The following BDH1 variants were observed in gnomAD, a reference collection of about 807,000 sequenced individuals.
BDH1 encodes the protein D-beta-hydroxybutyrate dehydrogenase, mitochondrial.
BDH1 carries 30 observed loss-of-function variants against 33.1 expected under a neutral mutation model. The ratio of observed to expected loss-of-function variants is 0.91; its 90% CI spans 0.68 to 1.23. The LOEUF (loss-of-function observed/expected upper bound fraction) is 1.23. Ranked by LOEUF, BDH1 falls within the 50% of genes most tolerant of loss-of-function variation. The probability of loss-of-function intolerance (pLI) is 0.00; values close to 1 mark genes in which losing one functional copy is unlikely to be tolerated. For synonymous variants in BDH1, 190 were observed against 183.6 expected, an observed-to-expected ratio of 1.03 and a Z score of -0.28; for missense variants, 443 against 464.4, an observed-to-expected ratio of 0.95 and a Z score of 0.42.
chr3:197,519,819 G>A (rs995628415), intron 6 of BDH1, among the ~76,000 whole-genome samples: 2 of 152,068 alleles, frequency 1.3e-5, no homozygotes, highest in South Asian at 2.1e-4. Context: ...CAGATGTCCT[G>A]TCCCTCAGCG....
chr3:197,538,615 G>T (rs1715349987), intron 3 of BDH1: 1 of 291,108 alleles, frequency 3.4e-6, no homozygotes, highest in South Asian at 3.2e-5. Context: ...GCCTCCCAAA[G>T]TACTGGGATC....
chr3:197,523,050 C>A lies in BDH1; in HGVS notation c.268-269G>T. ...AGGCCTCAAGACAGGATTCCTTCTC[C>A]AAGCAGGGGTTGCAAACTTATGTGG... is the stretch of plus-strand genomic sequence containing the variant. On this transcript the variant is annotated intron_variant, in intron 5 of 7. Coordinates refer to ENST00000392379, the MANE Select transcript of BDH1 (RefSeq NM_203314.3). This position sits in a 1 kb window ranked among gnomAD's most constrained non-coding sequence, Gnocchi z 4.5. 2.3e-6 allele frequency: 1 copy of A among 441,054 alleles called. No individual in the cohort carries two copies. The highest frequency in any genetic ancestry group is 4.0e-6 in the Non-Finnish European group (1 of 252,214). 27.3% of individuals were successfully genotyped at this position (441,054 alleles called of 1,614,324 possible).
Position 197,510,676 on chromosome 3 carries a change from GTGTGTAA to G in BDH1, c.*1212_*1218del. On this transcript the variant is annotated 3_prime_UTR_variant, in exon 8 of 8. Transcript: ENST00000392379. ...TGTGTGTGTGTGTGTGTGTGTACAT[GTGTGTAA>G]GGTGTGTGTGTGTGTGTGTGTGTGT... 2.1e-5 allele frequency: 1 copy of G among 46,830 alleles called. No homozygotes were observed. Among genetic ancestry groups the G allele is most frequent in the East Asian group, 4.1e-4 (1 of 2,444 alleles). 2.9% of individuals were successfully genotyped at this position (46,830 alleles called of 1,614,324 possible).
rs374296813 is a variant in BDH1 at position 197,511,906 on chromosome 3, A to T, written c.1021T>A (p.Tyr341Asn). ...HLPGAISDMI[Y>N]IR ...CACAGCGAGACTCTTCAGCGGATGT[A>T]GATCATGTCGGAGATGGCTCCAGGC... The change falls in exon 8 of 8, where the codon TAC becomes AAC. Residue 341 changes from tyrosine (Y) to asparagine (N), a missense_variant. By Grantham distance (143) the Tyr-to-Asn change is moderately radical. Transcript: ENST00000392379. 5 of 1,561,378 alleles carry T rather than the reference A, an allele frequency of 3.2e-6. No homozygotes were observed. The highest frequency in any genetic ancestry group is 4.3e-6 in the Non-Finnish European group (5 of 1,150,860).
Position 197,512,270 on chromosome 3 carries a change from C to A in BDH1, c.657G>T (p.Ser219=). The A allele has an allele frequency of 6.2e-7, 1 of 1,613,070 alleles. No individual in the cohort carries two copies. Among genetic ancestry groups the A allele is most frequent in the Non-Finnish European group, 8.5e-7 (1 of 1,180,022 alleles). The change falls in exon 8 of 8, where the codon TCG becomes TCT. Residue 219 remains serine, a synonymous_variant. Coordinates refer to ENST00000392379, the MANE Select transcript of BDH1 (RefSeq NM_203314.3). ...GGTACATCTCATAGCGCAGGCAGTC[C>A]GAGAAAGCCTCTACCCCGAACTTGG... ...CITKFGVEAF[S]DCLRYEMYPL...
intron 1 of BDH1, among the ~76,000 whole-genome samples, chr3:197,569,893 G>A (rs1162116245): frequency 6.6e-6 from 1 of 152,242 alleles, no homozygotes; most frequent in African/African-American, 2.4e-5. Flanking sequence ...TGAAAATGTG[G>A]AAGCAACTTT....
At chr3:197,530,633 T>C (rs1714559635) in intron 5 of BDH1, 1 of 152,478 alleles carries the variant, frequency 6.6e-6, no homozygotes, top group African/African-American at 2.4e-5. Flanking sequence ...TACAAAGTTA[T>C]TCATTGTGGC....
chr3:197,510,433 T>C lies in BDH1; in HGVS notation c.*1462A>G, dbSNP rs1038416868. 6.6e-6 allele frequency: 1 copy of C among 152,180 alleles called. No individual in the cohort carries two copies. The highest frequency in any genetic ancestry group is 6.5e-5 in the Admixed American group (1 of 15,280). The allele number at this position is 152,180 out of a possible 1,614,324, so 9.4% of individuals were successfully genotyped here. ...CCCCTGGAGGACAGTGGTGTTTGGC[T>C]TCGGTCCCAACATACAGGCCCTGGG... On this transcript the variant is annotated 3_prime_UTR_variant, in exon 8 of 8. Transcript: ENST00000392379.
intron 1 of BDH1, among the ~76,000 whole-genome samples, chr3:197,569,580 C>T (rs965471935): frequency 2.0e-5 from 3 of 152,106 alleles, no homozygotes; most frequent in Admixed American, 6.5e-5. Flanking sequence ...ATACTTTTCT[C>T]GTGGTAGTGA....
In BDH1 at chr3:197,511,481, G is replaced by A. The variant is rs985281821; in HGVS notation, c.*414C>T. 5.8e-5 allele frequency: 11 copies of A among 190,336 alleles called. No homozygotes were observed. Among genetic ancestry groups the A allele is most frequent in the Non-Finnish European group, 1.2e-4 (11 of 94,022 alleles). 11.8% of individuals were successfully genotyped at this position (190,336 alleles called of 1,614,324 possible). On this transcript the variant is annotated 3_prime_UTR_variant, in exon 8 of 8. Transcript: ENST00000392379. ...AACACATAACTGGCACTATTTATAA[G>A]CGATAAAAGGGTTATTTCATGCATC...
Position 197,531,865 on chromosome 3 carries a change from G to A in BDH1, c.267+547C>T, listed in dbSNP as rs116671977. 5.1e-3 allele frequency among the ~76,000 whole-genome samples: 774 copies of A among 152,184 alleles called. 4 individuals carry two copies. The highest frequency in any genetic ancestry group is 0.018 in the African/African-American group (735 of 41,514). On this transcript the variant is annotated intron_variant, in intron 5 of 7. Coordinates refer to ENST00000392379, the MANE Select transcript of BDH1 (RefSeq NM_203314.3). The stretch of plus-strand genomic sequence containing the variant: ...CCTTAAATTCTACTTAATGTGTCCC[G>A]AAGGAGCCTCATGCTTTCAAGCCTC...
rs553550329 is a variant in BDH1, at chr3:197,514,162, G to T, written c.562+102C>A. 9 of 1,443,442 alleles carry T rather than the reference G, an allele frequency of 6.2e-6. No homozygotes were observed. The highest frequency in any genetic ancestry group is 8.4e-6 in the Non-Finnish European group (9 of 1,072,638). The allele number at this position is 1,443,442 out of a possible 1,614,324, so 89.4% of individuals were successfully genotyped here. On this transcript the variant is annotated intron_variant, in intron 7 of 7. Coordinates refer to ENST00000392379, the MANE Select transcript of BDH1 (RefSeq NM_203314.3). The surrounding 1 kb of genome is among the most constrained non-coding windows in gnomAD (Gnocchi z 4.2). Reference sequence around the variant, plus strand: ...GGATTCACGAGCTCACCTCTGCTGAGTTGTGGACATTGGAGCTGCTGGGAC... The same window carrying T: ...GGATTCACGAGCTCACCTCTGCTGATTTGTGGACATTGGAGCTGCTGGGAC...
At chr3:197,519,854 C>T (rs1032203840) in intron 6 of BDH1, among the ~76,000 whole-genome samples, 1 of 152,014 alleles carries the variant, frequency 6.6e-6, no homozygotes, top group Non-Finnish European at 1.5e-5. Flanking sequence ...GGGCCGGTGG[C>T]AGATGGCTCT....
rs372535631 is a variant in BDH1 at position 197,525,539 on chromosome 3, G to T, written c.268-2758C>A. 6.6e-6 allele frequency among the ~76,000 whole-genome samples: 1 copy of T among 152,318 alleles called. No individual in the cohort carries two copies. The highest frequency in any genetic ancestry group is 1.9e-4 in the East Asian group (1 of 5,188). On this transcript the variant is annotated intron_variant, in intron 5 of 7. Coordinates refer to ENST00000392379, the MANE Select transcript of BDH1 (RefSeq NM_203314.3). The surrounding 1 kb of genome is among the most constrained non-coding windows in gnomAD (Gnocchi z 4.9). Reference sequence around the variant, plus strand: ...AAGAGTCTTCTTTCAGAGGAAACTAGGGGATTAATCTCACTGCCCACGGCT... The same window carrying T: ...AAGAGTCTTCTTTCAGAGGAAACTATGGGATTAATCTCACTGCCCACGGCT...
intron 1 of BDH1, among the ~76,000 whole-genome samples, chr3:197,562,274 C>G (rs535756930): frequency 6.6e-6 from 1 of 152,142 alleles, no homozygotes; most frequent in Non-Finnish European, 1.5e-5. Context: ...AATTCTAGTT[C>G]GGAGATGCAT....
intron 2 of BDH1, among the ~76,000 whole-genome samples, chr3:197,547,005 C>G (rs936666999): frequency 8.5e-5 from 13 of 152,166 alleles, no homozygotes; most frequent in Non-Finnish European, 1.9e-4. Context: ...TTCCCCCATG[C>G]GAACAAACAA....
At chr3:197,564,427 T>C (rs951366414) in intron 1 of BDH1, among the ~76,000 whole-genome samples, 1 of 152,222 alleles carries the variant, frequency 6.6e-6, no homozygotes, top group African/African-American at 2.4e-5. Flanking sequence ...TACACCCATA[T>C]GTCTCTCTGT....
intron 1 of BDH1, among the ~76,000 whole-genome samples, chr3:197,567,339 C>A (rs1478841333): frequency 6.6e-6 from 1 of 152,154 alleles, no homozygotes; most frequent in Non-Finnish European, 1.5e-5. Flanking sequence ...TTAGGGCCAA[C>A]CTGCCTCCCG....
In BDH1 at chr3:197,511,804, C is replaced by T. The variant is rs1473950555; in HGVS notation, c.*91G>A. 6 of 1,262,446 alleles carry T rather than the reference C, an allele frequency of 4.8e-6. No homozygotes were observed. Among genetic ancestry groups the T allele is most frequent in the Non-Finnish European group, 5.5e-6 (5 of 910,150 alleles). 78.2% of individuals were successfully genotyped at this position (1,262,446 alleles called of 1,614,324 possible). On this transcript the variant is annotated 3_prime_UTR_variant, in exon 8 of 8. Transcript: ENST00000392379. ...GGTCTTCCTGGCATGGTGGATAATC[C>T]ACACGTGGATAATCAAGAGTTGACT...
Sources: allele counts gnomAD v4.1 joint callset (sites outside exome capture counted in the v4.1 genomes callset), GRCh38; gene constraint gnomAD v4.1.1; non-coding constraint Gnocchi (gnomAD v3.1); transcripts MANE v1.5; gene names NCBI Gene and HGNC (gene_info 2026-07-23, HGNC 2026-07-21).